IGF1R: variants seen among roughly 807,000 people sequenced by gnomAD.
The protein encoded by IGF1R is insulin like growth factor 1 receptor.
A neutral mutation model predicts 144.6 loss-of-function variants in IGF1R; 44 were observed. The ratio of observed to expected loss-of-function variants is 0.30; its 90% CI spans 0.24 to 0.39. IGF1R has a LOEUF of 0.39. Among genes scored for constraint, IGF1R ranks in the 10% least tolerant of loss-of-function variants. The probability of loss-of-function intolerance (pLI) is 1.00; values close to 1 mark genes in which losing one functional copy is unlikely to be tolerated. For missense variants in IGF1R, 1,355 were observed against 1,833.7 expected (o/e 0.74, Z 4.77); for synonymous variants, 795 against 722.8 (o/e 1.10, Z -1.60).
At position 98,954,679 on chromosome 15, in the gene IGF1R, T is replaced by A. The variant is rs2016910057; in HGVS notation, c.3723-2382T>A. ...GCCACAGGGCACAGAGCCAAGCACATCTCATGCTCTTGGCCCAGTTACGCT... is the reference window on the plus strand; with the variant it reads ...GCCACAGGGCACAGAGCCAAGCACAACTCATGCTCTTGGCCCAGTTACGCT... On this transcript the variant is annotated intron_variant, in intron 20 of 20. Coordinates refer to ENST00000650285, the MANE Select transcript of IGF1R (RefSeq NM_000875.5). Among the ~76,000 whole-genome samples, 2 of 152,286 alleles carry A rather than the reference T, an allele frequency of 1.3e-5. 1 individual carries two copies. The highest frequency in any genetic ancestry group is 4.1e-4 in the South Asian group (2 of 4,822).
intron 1 of IGF1R, among the ~76,000 whole-genome samples, chr15:98,668,049 T>C (rs958914683): frequency 5.9e-5 from 9 of 152,104 alleles, no homozygotes; most frequent in African/African-American, 1.9e-4. Context: ...AGGCTGGAAG[T>C]CTGAGATCAA....
intron 3 of IGF1R, chr15:98,893,360 G>C (rs2014022837): frequency 6.6e-6 from 1 of 152,136 alleles, no homozygotes; most frequent in Non-Finnish European, 1.5e-5. Context: ...CTAACAACAA[G>C]AAGAAAATTA....
intron 18 of IGF1R, among the ~76,000 whole-genome samples, chr15:98,940,871 G>A (rs141419517): frequency 1.3e-5 from 2 of 152,312 alleles, no homozygotes; most frequent in South Asian, 2.1e-4. Flanking sequence ...ACGTCCTCAC[G>A]TTTGGTGCTC....
At chr15:98,788,747 C>T in intron 2 of IGF1R, among the ~76,000 whole-genome samples, 1 of 152,192 alleles carries the variant, frequency 6.6e-6, no homozygotes, top group Non-Finnish European at 1.5e-5. Context: ...TGATTCAGCT[C>T]CAGGTGGAGG....
chr15:98,858,571 T>C (rs940863840), intron 2 of IGF1R, among the ~76,000 whole-genome samples: 1 of 152,318 alleles, frequency 6.6e-6, no homozygotes, highest in East Asian at 1.9e-4. Context: ...TCCACCCAAG[T>C]ACACAAGGAC....
At chr15:98,942,889 A>G (rs1375732010) in intron 18 of IGF1R, 34 bp from the exon 19 acceptor site, 1 of 1,613,742 alleles carries the variant, frequency 6.2e-7, no homozygotes, top group South Asian at 1.1e-5. Context: ...TGCCTGCTCC[A>G]GCGTGTGACT....
chr15:98,798,212 C>T (rs930842957), intron 2 of IGF1R, among the ~76,000 whole-genome samples: 2 of 152,030 alleles, frequency 1.3e-5, no homozygotes, highest in African/African-American at 2.4e-5. Context: ...GTACAGGGTA[C>T]GTGGTGCCAG....
intron 10 of IGF1R, among the ~76,000 whole-genome samples, chr15:98,921,850 C>T (rs1039115191): frequency 5.3e-5 from 8 of 152,068 alleles, no homozygotes; most frequent in Admixed American, 2.6e-4. Flanking sequence ...ATGACACAGC[C>T]AGGACTGCCT....
At chr15:98,770,476 A>G (rs1174873550) in intron 2 of IGF1R, among the ~76,000 whole-genome samples, 1 of 152,244 alleles carries the variant, frequency 6.6e-6, no homozygotes, top group Admixed American at 6.5e-5. Context: ...AATGTTCCCA[A>G]CACATAGAAA....
intron 2 of IGF1R, among the ~76,000 whole-genome samples, chr15:98,765,939 G>A (rs1412022348): frequency 1.3e-5 from 2 of 152,158 alleles, no homozygotes; most frequent in East Asian, 1.9e-4. Flanking sequence ...CTGATGCCAC[G>A]CAAGGGAGAG....
intron 17 of IGF1R, among the ~76,000 whole-genome samples, chr15:98,937,357 A>G (rs2016193918): frequency 6.6e-6 from 1 of 152,106 alleles, no homozygotes; most frequent in Non-Finnish European, 1.5e-5. Flanking sequence ...TTCAGAACAC[A>G]TGGCCTTGGT....
chr15:98,771,351 C>T (rs913320756), intron 2 of IGF1R, among the ~76,000 whole-genome samples: 2 of 152,148 alleles, frequency 1.3e-5, no homozygotes, highest in Non-Finnish European at 2.9e-5. Flanking sequence ...TCCTCTCTCC[C>T]TTCTGGTACC....
At position 98,827,226 on chromosome 15, in the gene IGF1R, A is replaced by T. The variant is rs535647020; in HGVS notation, c.641-64099A>T. Among the ~76,000 whole-genome samples the T allele has an allele frequency of 4.4e-4, 67 of 152,294 alleles. 1 individual carries two copies. The South Asian group carries it at 0.012, about 28-fold the overall frequency. On this transcript the variant is annotated intron_variant, in intron 2 of 20. Transcript: ENST00000650285. Reference sequence around the variant, plus strand: ...TCATATTTGTATTTAGGAGTTTCAGAGCAAATGACTTGGAAAACAGGCAAA... The same window carrying T: ...TCATATTTGTATTTAGGAGTTTCAGTGCAAATGACTTGGAAAACAGGCAAA...
chr15:98,788,062 C>CTGTGTGTGTGTGTGTGTG (rs59500414), intron 2 of IGF1R, among the ~76,000 whole-genome samples: 6 of 131,032 alleles, frequency 4.6e-5, no homozygotes, highest in African/African-American at 1.8e-4. Flanking sequence ...CTCTCTCTCT[C>CTGTGTGTGTGTGTGTGTG]TGTGTGTGTG....
intron 2 of IGF1R, among the ~76,000 whole-genome samples, chr15:98,780,170 TAAA>T (rs528014457): frequency 6.6e-6 from 1 of 150,760 alleles, no homozygotes; most frequent in African/African-American, 2.4e-5. Flanking sequence ...ATAAATAAAA[TAAA>T]AAAAGAAAAA....
intron 2 of IGF1R, among the ~76,000 whole-genome samples, chr15:98,725,966 A>G (rs949638020): frequency 1.3e-5 from 2 of 152,232 alleles, no homozygotes; most frequent in African/African-American, 4.8e-5. Context: ...GGTCCTTCCC[A>G]TAACACATGA....
At chr15:98,799,571 G>T (rs1163017359) in intron 2 of IGF1R, among the ~76,000 whole-genome samples, 1 of 152,136 alleles carries the variant, frequency 6.6e-6, no homozygotes, top group Non-Finnish European at 1.5e-5. Flanking sequence ...AGATTCATTT[G>T]GTATCTCCAG....
intron 19 of IGF1R, among the ~76,000 whole-genome samples, chr15:98,943,317 A>G (rs45606131): frequency 2.8e-3 from 433 of 152,336 alleles, no homozygotes; most frequent in African/African-American, 9.6e-3. Context: ...TTATGTTTCC[A>G]GGAGGTGGGA....
At chr15:98,793,881 C>T (rs543214946) in intron 2 of IGF1R, among the ~76,000 whole-genome samples, 1 of 152,278 alleles carries the variant, frequency 6.6e-6, no homozygotes, top group Non-Finnish European at 1.5e-5. Flanking sequence ...TCTGAAATAC[C>T]TGTGTTCGTT....
Sources: allele counts gnomAD v4.1 joint callset (sites outside exome capture counted in the v4.1 genomes callset), GRCh38; gene constraint gnomAD v4.1.1; transcripts MANE v1.5; gene names NCBI Gene and HGNC (gene_info 2026-07-23, HGNC 2026-07-21).